The following NOCT variants were observed in gnomAD, a reference collection of about 807,000 sequenced individuals.
The protein encoded by NOCT is nocturnin.
NOCT carries 18 observed loss-of-function variants against 35.0 expected under a neutral mutation model. The observed-to-expected ratio is 0.51, with a 90% confidence interval of 0.36 to 0.76. NOCT has a LOEUF of 0.76. Among genes scored for constraint, NOCT ranks in the 30% least tolerant of loss-of-function variants. The pLI, the probability that NOCT is intolerant of heterozygous loss-of-function variation, is 0.01. For missense variants in NOCT, 479 were observed against 541.0 expected, an observed-to-expected ratio of 0.89 and a Z score of 1.14; for synonymous variants, 235 against 226.3, an observed-to-expected ratio of 1.04 and a Z score of -0.34.
chr4:139,016,267 G>T, intron 1 of NOCT, 96 bp downstream of exon 1: 1 of 807,166 alleles, frequency 1.2e-6, no homozygotes, highest in Non-Finnish European at 1.6e-6. Flanking sequence ...GCCCGGGGCT[G>T]CCGGTCGTGG....
chr4:139,044,519 C>A, intron 2 of NOCT, 120 bp from the exon 3 acceptor site: 1 of 634,304 alleles, frequency 1.6e-6, no homozygotes, highest in Non-Finnish European at 2.8e-6. Flanking sequence ...GACAGAGAGC[C>A]ACTCCAAGCA....
chr4:139,040,576 A>G (rs1461099790), intron 1 of NOCT, among the ~76,000 whole-genome samples: 1 of 152,084 alleles, frequency 6.6e-6, no homozygotes, highest in African/African-American at 2.4e-5. Flanking sequence ...CTGCACATTC[A>G]TTTTTGCATG....
intron 1 of NOCT, among the ~76,000 whole-genome samples, chr4:139,025,113 C>A (rs1459441038): frequency 1.3e-5 from 2 of 152,196 alleles, no homozygotes; most frequent in Non-Finnish European, 2.9e-5. Flanking sequence ...GCTTCTCTTT[C>A]AGGTCCATTC....
At chr4:139,026,019 A>C (rs888581892) in intron 1 of NOCT, among the ~76,000 whole-genome samples, 46 of 152,188 alleles carry the variant, frequency 3.0e-4, no homozygotes, top group Admixed American at 3.3e-4. Context: ...TTAAGTGACT[A>C]AACATCTTTT....
intron 1 of NOCT, among the ~76,000 whole-genome samples, chr4:139,016,646 T>G (rs1409836617): frequency 2.7e-4 from 8 of 30,154 alleles, no homozygotes; most frequent in South Asian, 1.9e-3. Flanking sequence ...ACGTTGTTTT[T>G]TTTTTTTTTT....
intron 1 of NOCT, among the ~76,000 whole-genome samples, chr4:139,037,767 A>G (rs576702739): frequency 3.6e-4 from 55 of 152,302 alleles, no homozygotes; most frequent in Non-Finnish European, 7.1e-4. Flanking sequence ...GTGCACCGGT[A>G]GTCTCAGCTA....
chr4:139,026,381 A>G (rs978244232), intron 1 of NOCT, among the ~76,000 whole-genome samples: 1 of 151,738 alleles, frequency 6.6e-6, no homozygotes, highest in African/African-American at 2.4e-5. Context: ...GATTACAGGC[A>G]TGAGCCACCG....
intron 1 of NOCT, among the ~76,000 whole-genome samples, chr4:139,041,753 C>T (rs1430838122): frequency 6.6e-6 from 1 of 152,198 alleles, no homozygotes; most frequent in African/African-American, 2.4e-5. Flanking sequence ...GTTAGCTGAA[C>T]AAAATCAGCT....
chr4:139,032,093 A>G (rs1042397024), intron 1 of NOCT, among the ~76,000 whole-genome samples: 3 of 152,228 alleles, frequency 2.0e-5, no homozygotes, highest in African/African-American at 7.2e-5. Context: ...AGAAATCTAA[A>G]TAATCTGAAT....
intron 1 of NOCT, 62 bp from the exon 2 acceptor site, chr4:139,043,012 T>A: frequency 6.8e-7 from 1 of 1,466,786 alleles, no homozygotes; most frequent in Non-Finnish European, 9.3e-7. Context: ...ATCTTACAGT[T>A]GTGCTGGGCG....
Position 139,043,286 on chromosome 4 carries a change from G to A in NOCT, c.403G>A (p.Asp135Asn). The change falls in exon 2 of 3, where the codon GAT (aspartate) becomes AAT (asparagine). Residue 135 changes from aspartate (D) to asparagine (N), a missense_variant. Asp to Asn is a conservative substitution (Grantham distance 23). Transcript: ENST00000280614. ...FQRDFVDLRT[D>N]CPSTHPPIRV... ...GAGGGATTTTGTGGATCTGAGGACA[G>A]ATTGCCCTAGTACCCACCCACCTAT... The A allele has an allele frequency of 6.2e-7, 1 of 1,614,188 alleles. No individual in the cohort carries two copies. Among genetic ancestry groups the A allele is most frequent in the South Asian group, 1.1e-5 (1 of 91,084 alleles).
chr4:139,025,395 T>A (rs1174197172), intron 1 of NOCT, among the ~76,000 whole-genome samples: 3 of 152,236 alleles, frequency 2.0e-5, no homozygotes, highest in African/African-American at 7.2e-5. Flanking sequence ...TACTGCCCTT[T>A]CCTTCTGGTT....
chr4:139,039,726 CTT>C (rs1726800304), intron 1 of NOCT, among the ~76,000 whole-genome samples: 1 of 151,882 alleles, frequency 6.6e-6, no homozygotes, highest in Admixed American at 6.6e-5. Context: ...TGTCTTGTAT[CTT>C]TTTGTTTTGT....
chr4:139,036,511 A>C (rs1311450062), intron 1 of NOCT, among the ~76,000 whole-genome samples: 1 of 152,148 alleles, frequency 6.6e-6, no homozygotes, highest in East Asian at 1.9e-4. Flanking sequence ...CACAAATTAG[A>C]GCTTCATATC....
chr4:139,017,743 C>T (rs1051133909), intron 1 of NOCT, among the ~76,000 whole-genome samples: 1 of 151,678 alleles, frequency 6.6e-6, no homozygotes, highest in African/African-American at 2.4e-5. Flanking sequence ...TTGCAGTGAG[C>T]CGAGATCGCA....
Position 139,045,509 on chromosome 4 carries a change from ATTTTTTTTTTTT to A in NOCT, c.*49_*60del, listed in dbSNP as rs546346607. ...TTTGTCTTTTTAATCACAGGAGTCTATTTTTTTTTTTTTTTTTTTTTTTTTGAGACAGAGTCT... is the reference window on the plus strand; with the variant it reads ...TTTGTCTTTTTAATCACAGGAGTCTATTTTTTTTTTTTTGAGACAGAGTCT... On this transcript the variant is annotated 3_prime_UTR_variant, in exon 3 of 3. Transcript: ENST00000280614. 37 of 379,730 alleles carry A rather than the reference ATTTTTTTTTTTT, an allele frequency of 9.7e-5. No individual in the cohort carries two copies. Among genetic ancestry groups the A allele is most frequent in the East Asian group, 5.1e-4 (11 of 21,526 alleles). 23.5% of individuals were successfully genotyped at this position (379,730 alleles called of 1,614,324 possible). A position where few individuals can be genotyped will look rare whatever the true frequency, so the allele number is the denominator to read the frequency against.
chr4:139,016,038 C>CCTGCGCCGCCTGCCCGCCCCAGGG lies in NOCT; in HGVS notation c.68_91dup (p.Leu23_Arg30dup), dbSNP rs1267943129. 7.9e-6 allele frequency: 11 copies of CCTGCGCCGCCTGCCCGCCCCAGGG among 1,391,256 alleles called. No homozygotes were observed. Among genetic ancestry groups the CCTGCGCCGCCTGCCCGCCCCAGGG allele is most frequent in the Non-Finnish European group, 8.4e-6 (9 of 1,071,802 alleles). 86.2% of individuals were successfully genotyped at this position (1,391,256 alleles called of 1,614,324 possible). ...CCCTGCTGCAGAGGGACGCGCCCGG[C>CCTGCGCCGCCTGCCCGCCCCAGGG]CTGCGCCGCCTGCCCGCCCCAGGGC... On this transcript the variant is annotated inframe_insertion, in exon 1 of 3. Coordinates refer to ENST00000280614, the MANE Select transcript of NOCT (RefSeq NM_012118.4).
At position 139,017,565 on chromosome 4, in the gene NOCT, T is replaced by G. The variant is rs1018297279; in HGVS notation, c.190+1394T>G. On this transcript the variant is annotated intron_variant, in intron 1 of 2. Transcript: ENST00000280614. ...AAAAAAATAGGCCGGGCGCGGTGGC[T>G]CACGCCTGTAATCCAGCACTGTGGG... 2.1e-5 allele frequency among the ~76,000 whole-genome samples: 3 copies of G among 141,872 alleles called. No homozygotes were observed. In the South Asian group the frequency reaches 7.9e-4, roughly 37 times the overall value. 93.1% of individuals were successfully genotyped at this position (141,872 alleles called of 152,430 possible).
At position 139,038,178 on chromosome 4, in the gene NOCT, G is replaced by T. The variant is rs563874777; in HGVS notation, c.191-4896G>T. Among the ~76,000 whole-genome samples, 3 of 152,048 alleles carry T rather than the reference G, an allele frequency of 2.0e-5. No homozygotes were observed. In the South Asian group the frequency reaches 6.2e-4, roughly 32 times the overall value. ...TCACGCCACTGCATTCCAGCCTGGT[G>T]ACAGAGTGAGACTGTCTCAAATAAA... On this transcript the variant is annotated intron_variant, in intron 1 of 2. Coordinates refer to ENST00000280614, the MANE Select transcript of NOCT (RefSeq NM_012118.4).
Sources: allele counts gnomAD v4.1 joint callset (sites outside exome capture counted in the v4.1 genomes callset), GRCh38; gene constraint gnomAD v4.1.1; transcripts MANE v1.5; gene names NCBI Gene and HGNC (gene_info 2026-07-23, HGNC 2026-07-21).